ARNT: variants seen among roughly 807,000 people sequenced by gnomAD.
ARNT encodes aryl hydrocarbon receptor nuclear translocator.
Under a neutral mutation model 105.0 loss-of-function variants are expected in ARNT, and 30 were observed. The observed-to-expected ratio is 0.29, with a 90% CI of 0.21 to 0.39. The LOEUF is 0.39. Among genes scored for constraint, ARNT ranks in the 10% least tolerant of loss-of-function variants. The pLI, the probability that ARNT is intolerant of heterozygous loss-of-function variation, is 1.00. For synonymous variants in ARNT, 304 were observed against 344.0 expected (o/e 0.88, Z 1.29); for missense variants, 748 against 978.7 (o/e 0.76, Z 3.15).
At chr1:150,854,365 C>A (rs1235630777) in intron 2 of ARNT, among the ~76,000 whole-genome samples, 1 of 147,312 alleles carries the variant, frequency 6.8e-6, no homozygotes. Flanking sequence ...TAAGACCAGC[C>A]TGGGCAACAC....
intron 1 of ARNT, among the ~76,000 whole-genome samples, chr1:150,875,670 G>T (rs587641255): frequency 6.6e-6 from 1 of 152,294 alleles, no homozygotes; most frequent in African/African-American, 2.4e-5. Context: ...AAAGAGGGCT[G>T]GGACTAGTAA....
intron 18 of ARNT, 23 bp from the exon 19 acceptor site, chr1:150,816,429 A>G (rs1655895553): frequency 6.3e-7 from 1 of 1,595,994 alleles, no homozygotes. Flanking sequence ...AAATGAGGTA[A>G]AAGATTAAAA....
chr1:150,871,983 G>T (rs1667538650), intron 1 of ARNT, among the ~76,000 whole-genome samples: 2 of 151,092 alleles, frequency 1.3e-5, no homozygotes, highest in Admixed American at 1.3e-4. Context: ...GGGGGACAGG[G>T]TCTCACTCCA....
At chr1:150,840,478 G>A (rs3768015) in intron 5 of ARNT, among the ~76,000 whole-genome samples, 52,426 of 151,978 alleles carry the variant, frequency 0.34, 9,385 homozygotes, top group South Asian at 0.53. Flanking sequence ...ATAAAATATG[G>A]TAAGCCTCTC....
In ARNT at chr1:150,824,464, T is replaced by C. The variant is rs1444406993; in HGVS notation, c.1243-1119A>G. Among the ~76,000 whole-genome samples, 15 of 151,120 alleles carry C rather than the reference T, an allele frequency of 9.9e-5. No individual in the cohort carries two copies. In the South Asian group the frequency reaches 2.1e-3, roughly 21 times the overall value. ...TCTGTTTTCTTTTCTTTTTCTTTTT[T>C]TTTTTTTTTGAGATGGAGTCTCGCT... On this transcript the variant is annotated intron_variant, in intron 13 of 21. Coordinates refer to ENST00000358595, the MANE Select transcript of ARNT (RefSeq NM_001668.4).
intron 5 of ARNT, 108 bp from the exon 6 acceptor site, chr1:150,839,762 G>A: frequency 8.8e-7 from 1 of 1,141,356 alleles, no homozygotes; most frequent in South Asian, 1.5e-5. Flanking sequence ...GTGGTATTCA[G>A]ATTTAGTGAT....
At chr1:150,867,091 C>A (rs751844167) in intron 1 of ARNT, among the ~76,000 whole-genome samples, 4 of 151,946 alleles carry the variant, frequency 2.6e-5, no homozygotes, top group Non-Finnish European at 4.4e-5. Context: ...GTAGTCCCAG[C>A]TACTCGAGAG....
chr1:150,872,947 G>A (rs1667682191), intron 1 of ARNT, among the ~76,000 whole-genome samples: 1 of 152,066 alleles, frequency 6.6e-6, no homozygotes, highest in Non-Finnish European at 1.5e-5. Context: ...CAGTGACAGA[G>A]CAAGACCCTC....
chr1:150,855,875 A>AG (rs1342584445), intron 2 of ARNT, among the ~76,000 whole-genome samples: 1 of 152,132 alleles, frequency 6.6e-6, no homozygotes, highest in African/African-American at 2.4e-5. Context: ...ACTGCACTCC[A>AG]GCCTGGGCAA....
chr1:150,850,887 C>T (rs1490733395), intron 3 of ARNT, among the ~76,000 whole-genome samples: 2 of 149,708 alleles, frequency 1.3e-5, no homozygotes, highest in African/African-American at 2.5e-5. Context: ...AGCGCCTCTG[C>T]CCCGCCACCC....
intron 3 of ARNT, among the ~76,000 whole-genome samples, chr1:150,847,470 G>C (rs1240473137): frequency 6.6e-6 from 1 of 150,934 alleles, no homozygotes; most frequent in Non-Finnish European, 1.5e-5. Context: ...GAATTCGGCA[G>C]TGCTTTTCTC....
chr1:150,850,499 G>T (rs2102140015), intron 3 of ARNT, among the ~76,000 whole-genome samples: 1 of 152,370 alleles, frequency 6.6e-6, no homozygotes, highest in African/African-American at 2.4e-5. Flanking sequence ...GGCCGGGCTG[G>T]TCTCCAGCTC....
At chr1:150,845,539 C>A (rs1012829392) in intron 4 of ARNT, among the ~76,000 whole-genome samples, 1 of 151,242 alleles carries the variant, frequency 6.6e-6, no homozygotes, top group Non-Finnish European at 1.5e-5. Flanking sequence ...ACCCAGGAGG[C>A]AGAGGTTACA....
rs1660340398 is a variant in ARNT, at chr1:150,836,454, G to C, written c.526C>G (p.Leu176Val). 1 of 1,614,094 alleles carries C rather than the reference G, an allele frequency of 6.2e-7. No homozygotes were observed. Among genetic ancestry groups the C allele is most frequent in the Admixed American group, 1.7e-5 (1 of 60,006 alleles). Residue 176 changes from leucine (L) to valine (V), a missense_variant, in exon 7 of 22, where the codon CTG (leucine) becomes GTG (valine). This residue lies in a region of ARNT where 291 missense variants were observed against 444.6 expected (regional missense o/e 0.65). Transcript: ENST00000358595. Reference sequence around the variant, plus strand: ...CCTGTCTCACATGAGACAATAAACAGAAAGCCATCTGCTGCCTCCAAGATC... The same window carrying C: ...CCTGTCTCACATGAGACAATAAACACAAAGCCATCTGCTGCCTCCAAGATC... ...HLILEAADGFLFIVSCETGRV... is the reference protein window; with the variant it reads ...HLILEAADGFVFIVSCETGRV...
Position 150,814,252 on chromosome 1 carries a change from G to A in ARNT, c.1951-13C>T. 1 of 1,613,470 alleles carries A rather than the reference G, an allele frequency of 6.2e-7. No homozygotes were observed. Among genetic ancestry groups the A allele is most frequent in the South Asian group, 1.1e-5 (1 of 91,038 alleles). ...GGGTAGCCACCTGCTAAAGAGAGAT[G>A]GAGAGGGGATATAGAACAAATACAG... On this transcript the variant is annotated splice_polypyrimidine_tract_variant and intron_variant, in intron 19 of 21. Coordinates refer to ENST00000358595, the MANE Select transcript of ARNT (RefSeq NM_001668.4).
chr1:150,848,455 C>CA (rs60782711), intron 3 of ARNT, among the ~76,000 whole-genome samples: 82 of 142,818 alleles, frequency 5.7e-4, no homozygotes, highest in Middle Eastern at 3.6e-3. Context: ...AGACTCCTCT[C>CA]AAAAAAAAAA....
chr1:150,870,945 T>C (rs930173643), intron 1 of ARNT, among the ~76,000 whole-genome samples: 2 of 151,800 alleles, frequency 1.3e-5, no homozygotes, highest in Admixed American at 1.3e-4. Context: ...GGCAGGAGGA[T>C]TGCTTGAGCC....
At chr1:150,857,469 C>T (rs1458212825) in intron 2 of ARNT, among the ~76,000 whole-genome samples, 4 of 152,134 alleles carry the variant, frequency 2.6e-5, no homozygotes, top group Non-Finnish European at 5.9e-5. Flanking sequence ...AGCTACTGAA[C>T]ATATAACAAG....
chr1:150,872,821 C>T (rs901652859), intron 1 of ARNT, among the ~76,000 whole-genome samples: 1 of 151,992 alleles, frequency 6.6e-6, no homozygotes, highest in African/African-American at 2.4e-5. Flanking sequence ...AATTAGCCAG[C>T]CACGGTGGTG....
Sources: allele counts gnomAD v4.1 joint callset (sites outside exome capture counted in the v4.1 genomes callset), GRCh38; gene constraint gnomAD v4.1.1; regional missense constraint gnomAD v4.1.1; transcripts MANE v1.5; gene names NCBI Gene and HGNC (gene_info 2026-07-23, HGNC 2026-07-21).